Variants in LYRM4 observed in about 807,000 individuals in gnomAD.
LYRM4 encodes LYR motif containing 4.
In LYRM4, 9 loss-of-function variants were observed where a neutral mutation model predicts 11.7. The ratio of observed to expected loss-of-function variants is 0.77; its 90% CI spans 0.46 to 1.34. LYRM4 has a LOEUF of 1.34. Among genes scored for constraint, LYRM4 ranks in the 40% most tolerant of loss-of-function variants. LYRM4 has a pLI of 0.00. For missense variants in LYRM4, 133 were observed against 112.5 expected, an observed-to-expected ratio of 1.18 and a Z score of -0.82; for synonymous variants, 42 against 40.4, an observed-to-expected ratio of 1.04 and a Z score of -0.15.
At chr6:5,131,558 GC>G (rs1345575216) in intron 2 of LYRM4, among the ~76,000 whole-genome samples, 7 of 152,072 alleles carry the variant, frequency 4.6e-5, no homozygotes, top group Non-Finnish European at 1.0e-4. Context: ...AGAAAATTGT[GC>G]CTGCAAAAAA....
chr6:5,152,706 T>G (rs1758160316), intron 2 of LYRM4, among the ~76,000 whole-genome samples: 1 of 152,220 alleles, frequency 6.6e-6, no homozygotes, highest in African/African-American at 2.4e-5. Context: ...TAAGCTAATG[T>G]GCTCATGGAA....
chr6:5,160,411 T>C (rs149312573), intron 2 of LYRM4, among the ~76,000 whole-genome samples: 1 of 152,070 alleles, frequency 6.6e-6, no homozygotes, highest in South Asian at 2.1e-4. Context: ...CCACGTGTGG[T>C]GGGAGGGACC....
At chr6:5,120,087 G>C (rs1763357981) in intron 2 of LYRM4, among the ~76,000 whole-genome samples, 1 of 152,004 alleles carries the variant, frequency 6.6e-6, no homozygotes. Flanking sequence ...AGTAGAGATG[G>C]GGTTTTGCCA....
At chr6:5,139,182 T>C (rs1042574833) in intron 2 of LYRM4, among the ~76,000 whole-genome samples, 2 of 152,166 alleles carry the variant, frequency 1.3e-5, no homozygotes, top group African/African-American at 2.4e-5. Context: ...TGAATGACAA[T>C]AGCTGGTGAG....
intron 2 of LYRM4, among the ~76,000 whole-genome samples, chr6:5,115,540 A>C (rs1311429703): frequency 6.6e-6 from 1 of 152,178 alleles, no homozygotes; most frequent in African/African-American, 2.4e-5. Context: ...TATTTCACAA[A>C]GTCCACCAAT....
chr6:5,216,919 CAG>C (rs1762306199), intron 1 of LYRM4, among the ~76,000 whole-genome samples, 181 bp from the exon 2 acceptor site: 1 of 152,232 alleles, frequency 6.6e-6, no homozygotes, highest in Non-Finnish European at 1.5e-5. Context: ...ACTAAGCAAA[CAG>C]ATTTAGGAAA....
At chr6:5,041,317 C>A in the LYRM4 span, among the ~76,000 whole-genome samples, 1 of 152,216 alleles carries the variant, frequency 6.6e-6, no homozygotes, top group Non-Finnish European at 1.5e-5. Context: ...CAAAATCCTT[C>A]TGTTTCCCAA....
intron 2 of LYRM4, among the ~76,000 whole-genome samples, chr6:5,196,310 C>T (rs1761055054): frequency 6.6e-6 from 1 of 152,206 alleles, no homozygotes; most frequent in Non-Finnish European, 1.5e-5. Context: ...CCAAGCCCAA[C>T]ACCCTACTGC....
At chr6:5,128,934 G>C (rs1403689313) in intron 2 of LYRM4, among the ~76,000 whole-genome samples, 2 of 152,214 alleles carry the variant, frequency 1.3e-5, no homozygotes, top group South Asian at 2.1e-4. Flanking sequence ...CCCTTCAAAG[G>C]CTTGACTTTG....
intron 1 of LYRM4, among the ~76,000 whole-genome samples, chr6:5,245,275 G>A (rs1764144999): frequency 6.7e-6 from 1 of 150,370 alleles, no homozygotes; most frequent in African/African-American, 2.4e-5. Context: ...TGATGAGGAA[G>A]GAAGGACAAG....
At chr6:5,125,503 C>T (rs904421901) in intron 2 of LYRM4, among the ~76,000 whole-genome samples, 4 of 152,148 alleles carry the variant, frequency 2.6e-5, no homozygotes, top group African/African-American at 9.7e-5. Flanking sequence ...CTCTGCTGGA[C>T]GAAGGAATGA....
intron 2 of LYRM4, among the ~76,000 whole-genome samples, chr6:5,207,522 T>C (rs1251494559): frequency 6.6e-6 from 1 of 152,134 alleles, no homozygotes; most frequent in South Asian, 2.1e-4. Context: ...TGGGAGAAGG[T>C]CTTCTGCATA....
Position 5,129,510 on chromosome 6 carries a change from G to C in LYRM4, c.208-20019C>G, listed in dbSNP as rs377146240. ...AGCAGCCGCTCTGATCTCTGCTTCT[G>C]CCACTTTCTCTCTCTGTGCAATCAA... On this transcript the variant is annotated intron_variant, in intron 2 of 2. Transcript: ENST00000330636. 2.2e-4 allele frequency among the ~76,000 whole-genome samples: 34 copies of C among 152,224 alleles called. 1 individual carries two copies. Among genetic ancestry groups the C allele is most frequent in the Middle Eastern group, 3.4e-3 (1 of 294 alleles).
At chr6:5,181,804 C>A (rs1581451262) in intron 2 of LYRM4, among the ~76,000 whole-genome samples, 1 of 152,216 alleles carries the variant, frequency 6.6e-6, no homozygotes, top group African/African-American at 2.4e-5. Context: ...CCAGCTTCAC[C>A]TCTTACCAGA....
At chr6:5,234,118 T>C (rs913234781) in intron 1 of LYRM4, among the ~76,000 whole-genome samples, 1 of 152,272 alleles carries the variant, frequency 6.6e-6, no homozygotes, top group Non-Finnish European at 1.5e-5. Flanking sequence ...TCTATCATGA[T>C]GTAAAACATA....
At chr6:5,159,476 T>C (rs1404142089) in intron 2 of LYRM4, among the ~76,000 whole-genome samples, 1 of 152,220 alleles carries the variant, frequency 6.6e-6, no homozygotes, top group African/African-American at 2.4e-5. Flanking sequence ...CTTATTTTAA[T>C]TTATTCATTG....
chr6:5,204,159 C>G (rs1029021039), intron 2 of LYRM4, among the ~76,000 whole-genome samples: 11 of 152,270 alleles, frequency 7.2e-5, no homozygotes, highest in African/African-American at 2.4e-4. Flanking sequence ...CTGTTGTACT[C>G]CTGGGCCTGT....
intron 2 of LYRM4, among the ~76,000 whole-genome samples, chr6:5,176,158 G>C (rs1056980623): frequency 2.0e-5 from 3 of 149,880 alleles, no homozygotes; most frequent in African/African-American, 7.4e-5. Flanking sequence ...TCTGCCTCCC[G>C]GGTTCAAACT....
intron 2 of LYRM4, among the ~76,000 whole-genome samples, chr6:5,119,442 A>G (rs1239538073): frequency 1.3e-5 from 2 of 151,898 alleles, no homozygotes; most frequent in Non-Finnish European, 2.9e-5. Context: ...ACTCTTATCC[A>G]CTTTTGTCAG....
Sources: allele counts gnomAD v4.1 joint callset (sites outside exome capture counted in the v4.1 genomes callset), GRCh38; gene constraint gnomAD v4.1.1; transcripts MANE v1.5; gene names NCBI Gene and HGNC (gene_info 2026-07-23, HGNC 2026-07-21).